Variants in MIB1 observed in about 807,000 individuals in gnomAD.
MIB1 encodes MIB E3 ubiquitin protein ligase 1.
In MIB1, 278 loss-of-function variants were observed where a neutral mutation model predicts 124.5. The observed-to-expected ratio is 2.23, with a 90% confidence interval of 2.02 to 2.47. The LOEUF is 2.47. Ranked by LOEUF, MIB1 falls within the 30% of genes most tolerant of loss-of-function variation. The pLI is 0.00. For missense variants in MIB1, 957 were observed against 1,254.4 expected, an observed-to-expected ratio of 0.76 and a Z score of 3.58; for synonymous variants, 446 against 429.4, an observed-to-expected ratio of 1.04 and a Z score of -0.48.
chr18:21,741,073 G>C lies in MIB1; in HGVS notation c.-511G>C, dbSNP rs1165683834. ...TCGCCGGACGCCGGGAGGTACCACC[G>C]CTGCCCACGGGGGAGGAGGCGGCGC... is the stretch of plus-strand genomic sequence containing the variant. On this transcript the variant is annotated 5_prime_UTR_variant, in exon 1 of 21. Transcript: ENST00000261537. The surrounding 1 kb of genome is among the most constrained non-coding windows in gnomAD (Gnocchi z 5.4). 6.6e-6 allele frequency among the ~76,000 whole-genome samples: 1 copy of C among 151,844 alleles called. No individual in the cohort carries two copies. Among genetic ancestry groups the C allele is most frequent in the Non-Finnish European group, 1.5e-5 (1 of 67,928 alleles).
chr18:21,856,743 T>C (rs960838743), intron 18 of MIB1, among the ~76,000 whole-genome samples: 1 of 152,130 alleles, frequency 6.6e-6, no homozygotes, highest in African/African-American at 2.4e-5. Flanking sequence ...TAAAGAAATA[T>C]AAAGAAAATT....
chr18:21,859,155 A>G (rs372245424), intron 20 of MIB1, among the ~76,000 whole-genome samples: 7 of 152,342 alleles, frequency 4.6e-5, no homozygotes, highest in East Asian at 3.9e-4. Context: ...CATGCCTGCA[A>G]TCTCAGCACT....
intron 1 of MIB1, among the ~76,000 whole-genome samples, chr18:21,761,552 A>G (rs182072657): frequency 5.6e-4 from 86 of 152,292 alleles, no homozygotes; most frequent in Non-Finnish European, 1.0e-3. Context: ...ATCCCATCCC[A>G]CCTGCTCTTC....
chr18:21,755,228 T>G (rs1008245700), intron 1 of MIB1, among the ~76,000 whole-genome samples: 3 of 152,284 alleles, frequency 2.0e-5, no homozygotes, highest in East Asian at 1.9e-4. Flanking sequence ...GCCTGTAGAT[T>G]AGCACTACGT....
Position 21,863,785 on chromosome 18 carries a change from C to G in MIB1, c.2881-741C>G, listed in dbSNP as rs939676479. Among the ~76,000 whole-genome samples the G allele has an allele frequency of 1.3e-5, 2 of 152,216 alleles. 1 individual carries two copies. The highest frequency in any genetic ancestry group is 1.3e-4 in the Admixed American group (2 of 15,286). ...CTTTGGGAGGCTGAGGTGGGCAGATCACGAGGTCAGAAGATCAAGACCATC... is the reference window on the plus strand; with the variant it reads ...CTTTGGGAGGCTGAGGTGGGCAGATGACGAGGTCAGAAGATCAAGACCATC... On this transcript the variant is annotated intron_variant, in intron 20 of 20. Transcript: ENST00000261537.
rs951191382 is a variant in MIB1 at position 21,865,820 on chromosome 18, C to T, written c.*1154C>T. ...TATTATTTAAACTGCCAACAATATC[C>T]AAGACATGGTCAATAACCTAATTAT... On this transcript the variant is annotated 3_prime_UTR_variant, in exon 21 of 21. Coordinates refer to ENST00000261537, the MANE Select transcript of MIB1 (RefSeq NM_020774.4). 2.0e-5 allele frequency: 3 copies of T among 152,350 alleles called. No individual in the cohort carries two copies. The highest frequency in any genetic ancestry group is 4.8e-5 in the African/African-American group (2 of 41,352). The allele number at this position is 152,350 out of a possible 1,614,324, so 9.4% of individuals were successfully genotyped here.
chr18:21,725,613 A>G (rs2040738056), intron 1 of MIB1, among the ~76,000 whole-genome samples: 1 of 152,240 alleles, frequency 6.6e-6, no homozygotes, highest in East Asian at 1.9e-4. Flanking sequence ...ATTTGAGACT[A>G]TCTTCCTCTG....
rs760204774 is a variant in MIB1, at chr18:21,773,627, A to G, written c.535A>G (p.Thr179Ala). 7 of 1,604,032 alleles carry G rather than the reference A, an allele frequency of 4.4e-6. No individual in the cohort carries two copies. The highest frequency in any genetic ancestry group is 2.3e-5 in the East Asian group (1 of 44,362). Residue 179 changes from threonine to alanine, a missense_variant, in exon 4 of 21, where the codon ACA (threonine) becomes GCA (alanine). Coordinates refer to ENST00000261537, the MANE Select transcript of MIB1 (RefSeq NM_020774.4). The stretch of plus-strand genomic sequence containing the variant: ...TTCTCAAAAACTATTCTGTTAGGTA[A>G]CAGAAATCCAGGACTGGAGTGCATC... ...DGGNGRRGKVTEIQDWSASSP... is the reference protein window; with the variant it reads ...DGGNGRRGKVAEIQDWSASSP...
Position 21,706,085 on chromosome 18 carries a change from T to C in MIB1, n.167+962T>C, listed in dbSNP as rs117449493. On this transcript the variant is annotated intron_variant and non_coding_transcript_variant, in intron 1 of 20. Transcript: ENST00000578646. ...CAGTTTAAGTTTGTTCTGTTTTGTTTTGTTTTGTTTTTTGAGACAGAGTTT... is the reference window on the plus strand; with the variant it reads ...CAGTTTAAGTTTGTTCTGTTTTGTTCTGTTTTGTTTTTTGAGACAGAGTTT... Among the ~76,000 whole-genome samples the C allele has an allele frequency of 9.2e-5, 14 of 152,292 alleles. No homozygotes were observed. In the East Asian group the frequency reaches 2.5e-3, roughly 27 times the overall value.
chr18:21,847,918 T>G (rs1337281219), intron 16 of MIB1, among the ~76,000 whole-genome samples: 1 of 152,242 alleles, frequency 6.6e-6, no homozygotes, highest in Non-Finnish European at 1.5e-5. Context: ...CACATCTCAT[T>G]GCTTTTTTAA....
upstream of MIB1, among the ~76,000 whole-genome samples, chr18:21,736,970 C>T (rs938958242): frequency 1.2e-4 from 18 of 152,186 alleles, no homozygotes; most frequent in Admixed American, 6.5e-4. Context: ...AGAACTTCCC[C>T]AACCTAGTAA....
At position 21,869,212 on chromosome 18, in the gene MIB1, T is replaced by C. The variant is rs1415973547; in HGVS notation, c.*4546T>C. ...GGTCATATGCTGAATATTTTACTTT[T>C]CCTGTATAGTCTGCATGATTTGTTT... On this transcript the variant is annotated 3_prime_UTR_variant, in exon 21 of 21. Coordinates refer to ENST00000261537, the MANE Select transcript of MIB1 (RefSeq NM_020774.4). 1 of 152,486 alleles carries C rather than the reference T, an allele frequency of 6.6e-6. No individual in the cohort carries two copies. The highest frequency in any genetic ancestry group is 1.9e-4 in the East Asian group (1 of 5,200). 9.4% of individuals were successfully genotyped at this position (152,486 alleles called of 1,614,324 possible).
chr18:21,813,263 A>C lies in MIB1; in HGVS notation c.1480-2353A>C, dbSNP rs188330588. ...AAGACTGGAAGTTAGGAAGATTTTA[A>C]CTCTAAGATTCTGAATTATATCTGT... On this transcript the variant is annotated intron_variant, in intron 10 of 20. Transcript: ENST00000261537. Among the ~76,000 whole-genome samples the C allele has an allele frequency of 3.0e-3, 449 of 152,010 alleles. 2 individuals are homozygous for C. The highest frequency in any genetic ancestry group is 9.7e-3 in the African/African-American group (404 of 41,504).
At chr18:21,814,953 A>T (rs2041811611) in intron 10 of MIB1, among the ~76,000 whole-genome samples, 1 of 142,382 alleles carries the variant, frequency 7.0e-6, no homozygotes, top group Non-Finnish European at 1.5e-5. Context: ...TGTCAAAAAA[A>T]ATTGGCTTAC....
intron 9 of MIB1, among the ~76,000 whole-genome samples, chr18:21,801,739 A>G (rs2959518): frequency 0.011 from 1,696 of 152,142 alleles, 43 homozygotes; most frequent in African/African-American, 0.038. Flanking sequence ...ACATACCTCA[A>G]TTGCTCGAGA....
intron 7 of MIB1, among the ~76,000 whole-genome samples, chr18:21,795,659 A>G (rs2041570339): frequency 6.6e-6 from 1 of 151,834 alleles, no homozygotes; most frequent in South Asian, 2.1e-4. Flanking sequence ...GTGGAAAATG[A>G]AATGAAATAA....
At chr18:21,757,252 G>A (rs1453437863) in intron 1 of MIB1, among the ~76,000 whole-genome samples, 1 of 151,544 alleles carries the variant, frequency 6.6e-6, no homozygotes, top group African/African-American at 2.4e-5. Context: ...AGGAGTTCGA[G>A]ACCAGCCTGG....
Position 21,869,120 on chromosome 18 carries a change from C to G in MIB1, c.*4454C>G, listed in dbSNP as rs1277552003. Reference sequence around the variant, plus strand: ...AGTAGGTACAGGAGAAGTGACTTGTCACATTAATTTGGTGCCTAAATCTGT... The same window carrying G: ...AGTAGGTACAGGAGAAGTGACTTGTGACATTAATTTGGTGCCTAAATCTGT... On this transcript the variant is annotated 3_prime_UTR_variant, in exon 21 of 21. Coordinates refer to ENST00000261537, the MANE Select transcript of MIB1 (RefSeq NM_020774.4). 1 of 152,390 alleles carries G rather than the reference C, an allele frequency of 6.6e-6. No homozygotes were observed. The highest frequency in any genetic ancestry group is 1.5e-5 in the Non-Finnish European group (1 of 67,880). The allele number at this position is 152,390 out of a possible 1,614,324, so 9.4% of individuals were successfully genotyped here.
At chr18:21,757,174 C>G (rs2041042230) in intron 1 of MIB1, among the ~76,000 whole-genome samples, 1 of 151,708 alleles carries the variant, frequency 6.6e-6, no homozygotes, top group Admixed American at 6.6e-5. Context: ...GTCTTTTAGG[C>G]CATGCGGTGG....
Sources: allele counts gnomAD v4.1 joint callset (sites outside exome capture counted in the v4.1 genomes callset), GRCh38; gene constraint gnomAD v4.1.1; non-coding constraint Gnocchi (gnomAD v3.1); transcripts MANE v1.5; gene names NCBI Gene and HGNC (gene_info 2026-07-23, HGNC 2026-07-21).